NCOA2: variants seen among roughly 807,000 people sequenced by gnomAD.
The protein encoded by NCOA2 is nuclear receptor coactivator 2, also known as class E basic helix-loop-helix protein 75.
Under a neutral mutation model 145.1 loss-of-function variants are expected in NCOA2, and 21 were observed. That is an observed-to-expected ratio of 0.14 (90% CI 0.10 to 0.21). NCOA2 has a LOEUF of 0.21. Among genes scored for constraint, NCOA2 ranks in the 10% least tolerant of loss-of-function variants. The pLI is 1.00. For missense variants in NCOA2, 1,472 were observed against 1,837.6 expected (o/e 0.80, Z 3.64); for synonymous variants, 619 against 637.5 (o/e 0.97, Z 0.44).
At chr8:70,170,715 A>C (rs1216392835) in intron 5 of NCOA2, among the ~76,000 whole-genome samples, 1 of 152,190 alleles carries the variant, frequency 6.6e-6, no homozygotes, top group East Asian at 1.9e-4. Context: ...TGAGACTGAC[A>C]TACTCCACGG....
intron 1 of NCOA2, among the ~76,000 whole-genome samples, chr8:70,390,149 TC>T (rs1180618824): frequency 6.6e-6 from 1 of 152,216 alleles, no homozygotes; most frequent in African/African-American, 2.4e-5. Flanking sequence ...AAATATTAAT[TC>T]CACAAAATAA....
chr8:70,149,968 T>TC (rs1168070102), intron 11 of NCOA2, among the ~76,000 whole-genome samples: 4 of 152,188 alleles, frequency 2.6e-5, no homozygotes, highest in Non-Finnish European at 2.9e-5. Context: ...ATACAATTCC[T>TC]CCCCATGCAG....
chr8:70,446,451 T>C, the NCOA2 span, among the ~76,000 whole-genome samples: 1 of 152,224 alleles, frequency 6.6e-6, no homozygotes. Context: ...GCGTTGATTC[T>C]TTCTTTTGTT....
At chr8:70,425,666 A>G in the NCOA2 span, among the ~76,000 whole-genome samples, 11 of 152,178 alleles carry the variant, frequency 7.2e-5, no homozygotes, top group Admixed American at 7.2e-4. Context: ...TTTCAACGTC[A>G]ATCCTGATAC....
chr8:70,282,205 T>G (rs1825936596), intron 2 of NCOA2, among the ~76,000 whole-genome samples: 1 of 152,046 alleles, frequency 6.6e-6, no homozygotes. Flanking sequence ...CAATATGGGG[T>G]TCATGTTAAT....
At chr8:70,200,050 T>G (rs1365048392) in intron 4 of NCOA2, among the ~76,000 whole-genome samples, 2 of 152,194 alleles carry the variant, frequency 1.3e-5, no homozygotes, top group African/African-American at 4.8e-5. Context: ...CTATAACAAC[T>G]ATGTATATAG....
chr8:70,410,286 A>G, the NCOA2 span, among the ~76,000 whole-genome samples: 1 of 152,228 alleles, frequency 6.6e-6, no homozygotes, highest in South Asian at 2.1e-4. Flanking sequence ...CTTTGCTGGC[A>G]GAATTGTACA....
At chr8:70,299,955 T>G (rs991503895) in intron 1 of NCOA2, among the ~76,000 whole-genome samples, 1 of 152,208 alleles carries the variant, frequency 6.6e-6, no homozygotes, top group Non-Finnish European at 1.5e-5. Flanking sequence ...TAAAGGGGAA[T>G]GAATTATCAA....
chr8:70,224,529 G>A (rs1820437661), intron 2 of NCOA2, among the ~76,000 whole-genome samples: 1 of 151,984 alleles, frequency 6.6e-6, no homozygotes. Flanking sequence ...AATAAAAACA[G>A]TGTCTACTCT....
intron 14 of NCOA2, among the ~76,000 whole-genome samples, chr8:70,139,954 C>T (rs1810193312): frequency 6.6e-6 from 1 of 152,056 alleles, no homozygotes; most frequent in Non-Finnish European, 1.5e-5. Context: ...AGCTCTTCCT[C>T]ATTGTGCAAT....
At chr8:70,273,841 G>T in intron 2 of NCOA2, 3 of 559,316 alleles carry the variant, frequency 5.4e-6, no homozygotes, top group Admixed American at 3.8e-5. Context: ...GAGGCAAACT[G>T]AAGTGAGTCA....
At chr8:70,235,869 A>G (rs1821558674) in intron 2 of NCOA2, among the ~76,000 whole-genome samples, 1 of 152,094 alleles carries the variant, frequency 6.6e-6, no homozygotes, top group African/African-American at 2.4e-5. Context: ...TTTCTTAAAA[A>G]TTTTCCAGAT....
At chr8:70,342,793 A>G in intron 1 of NCOA2, among the ~76,000 whole-genome samples, 1 of 148,836 alleles carries the variant, frequency 6.7e-6, no homozygotes, top group African/African-American at 2.5e-5. Context: ...ACACACACAC[A>G]CACACACACA....
the NCOA2 span, among the ~76,000 whole-genome samples, chr8:70,411,968 G>A: frequency 3.3e-5 from 5 of 152,312 alleles, no homozygotes; most frequent in African/African-American, 1.2e-4. Context: ...CAAATGACTT[G>A]TGTGCCTATG....
At chr8:70,139,114 C>A (rs1272041227) in intron 14 of NCOA2, among the ~76,000 whole-genome samples, 1 of 152,244 alleles carries the variant, frequency 6.6e-6, no homozygotes, top group Admixed American at 6.5e-5. Context: ...CCCACAAGCA[C>A]TCTTTCTCCG....
chr8:70,431,890 A>G, the NCOA2 span, among the ~76,000 whole-genome samples: 14 of 152,370 alleles, frequency 9.2e-5, no homozygotes, highest in East Asian at 2.1e-3. Context: ...GTTCTGATTT[A>G]AAAGATACAG....
chr8:70,409,640 C>T, the NCOA2 span, among the ~76,000 whole-genome samples: 1 of 152,098 alleles, frequency 6.6e-6, no homozygotes, highest in African/African-American at 2.4e-5. Flanking sequence ...GAGGCCAAGG[C>T]AGGAGAATGG....
At chr8:70,160,684 A>AGAGAGAGAGG (rs1554579001) in intron 9 of NCOA2, among the ~76,000 whole-genome samples, 7 of 147,832 alleles carry the variant, frequency 4.7e-5, no homozygotes, top group African/African-American at 1.1e-4. Context: ...AGAGAGAGGG[A>AGAGAGAGAGG]GAGAGAGAGA....
intron 6 of NCOA2, among the ~76,000 whole-genome samples, chr8:70,169,947 A>G (rs944402797): frequency 6.6e-6 from 1 of 151,910 alleles, no homozygotes; most frequent in Non-Finnish European, 1.5e-5. Flanking sequence ...TTGGCTAAGA[A>G]GCAATGATTT....
Sources: gnomAD v4.1 joint callset for allele counts (sites outside exome capture counted in the v4.1 genomes callset) on GRCh38, gnomAD v4.1.1 for gene constraint, MANE v1.5 for transcripts, NCBI Gene and HGNC (gene_info 2026-07-23, HGNC 2026-07-21) for gene names.